Variants in ADD3 observed in about 807,000 individuals in gnomAD.
The protein encoded by ADD3 is adducin 3, also known as gamma-adducin.
In ADD3, 25 loss-of-function variants were observed where a neutral mutation model predicts 80.2. The observed-to-expected ratio is 0.31, with a 90% CI of 0.23 to 0.44. ADD3 has a LOEUF of 0.44. Among genes scored for constraint, ADD3 ranks in the 20% least tolerant of loss-of-function variants. ADD3 has a pLI of 1.00. For synonymous variants in ADD3, 284 were observed against 289.6 expected, an observed-to-expected ratio of 0.98 and a Z score of 0.20; for missense variants, 829 against 847.5, an observed-to-expected ratio of 0.98 and a Z score of 0.27.
chr10:110,091,935 A>G (rs775306428), intron 1 of ADD3, among the ~76,000 whole-genome samples: 4 of 152,218 alleles, frequency 2.6e-5, no homozygotes, highest in Non-Finnish European at 4.4e-5. Flanking sequence ...AAGGACATGA[A>G]CATCCACTTC....
At chr10:110,039,156 A>G (rs932768972) in intron 1 of ADD3, among the ~76,000 whole-genome samples, 3 of 152,142 alleles carry the variant, frequency 2.0e-5, no homozygotes, top group African/African-American at 4.8e-5. Context: ...TACCTTGCAC[A>G]TTGCTTCTGG....
rs972313098 is a variant in ADD3 at position 110,100,726 on chromosome 10, T to C, written c.73T>C (p.Phe25Leu). Residue 25 changes from phenylalanine (F) to leucine (L), a missense_variant, in exon 2 of 15, where the codon TTT becomes CTT. Coordinates refer to ENST00000356080, the MANE Select transcript of ADD3 (RefSeq NM_016824.5). ...CAGCATGCCTCACAAAGAGAGATAT[T>C]TTGACCGCATCAATGAAAATGACCC... is the stretch of plus-strand genomic sequence containing the variant. ...PPSMPHKERY[F>L]DRINENDPEY... is the part of the protein sequence containing the mutation. The C allele has an allele frequency of 6.2e-7, 1 of 1,613,906 alleles. No individual in the cohort carries two copies. The highest frequency in any genetic ancestry group is 8.5e-7 in the Non-Finnish European group (1 of 1,179,960).
intron 1 of ADD3, among the ~76,000 whole-genome samples, chr10:110,064,439 T>C (rs1037995375): frequency 6.6e-6 from 1 of 152,220 alleles, no homozygotes; most frequent in Non-Finnish European, 1.5e-5. Flanking sequence ...CACTGGTAGG[T>C]AGATAGTGGT....
rs1249699572 is a variant in ADD3 at position 110,135,506 on chromosome 10, T to C, written c.*1888T>C. On this transcript the variant is annotated 3_prime_UTR_variant, in exon 15 of 15. Coordinates refer to ENST00000356080, the MANE Select transcript of ADD3 (RefSeq NM_016824.5). The stretch of plus-strand genomic sequence containing the variant: ...AAAAATGTATAAATGTTATCTGATA[T>C]TGCTCTTAGATGTAATGCTAATTAA... 1 of 152,628 alleles carries C rather than the reference T, an allele frequency of 6.6e-6. No homozygotes were observed. Among genetic ancestry groups the C allele is most frequent in the African/African-American group, 2.4e-5 (1 of 41,450 alleles). The allele number at this position is 152,628 out of a possible 1,614,324, so 9.5% of individuals were successfully genotyped here. A position where few individuals can be genotyped will look rare whatever the true frequency, so the allele number is the denominator to read the frequency against.
In ADD3 at chr10:110,118,019, T is replaced by TACACACACACACAC. The variant is rs148105742; in HGVS notation, c.568-526_568-513dup. Among the ~76,000 whole-genome samples the TACACACACACACAC allele has an allele frequency of 6.6e-4, 83 of 125,690 alleles. 1 individual carries two copies. The highest frequency in any genetic ancestry group is 1.4e-3 in the East Asian group (6 of 4,208). 82.5% of individuals were successfully genotyped at this position (125,690 alleles called of 152,430 possible). A position where few individuals can be genotyped will look rare whatever the true frequency, so the allele number is the denominator to read the frequency against. On this transcript the variant is annotated intron_variant, in intron 5 of 14. Transcript: ENST00000356080. The stretch of plus-strand genomic sequence containing the variant: ...CTACAGGGCGAGACTCTGTCTTCAA[T>TACACACACACACAC]ACACACACACACACACACACACACA...
chr10:110,072,698 A>G (rs1351124904), intron 1 of ADD3, among the ~76,000 whole-genome samples: 1 of 152,222 alleles, frequency 6.6e-6, no homozygotes, highest in Non-Finnish European at 1.5e-5. Context: ...TATCTTCTGA[A>G]GCATGAACAC....
At chr10:110,016,109 A>G (rs1852958983) in intron 1 of ADD3, among the ~76,000 whole-genome samples, 1 of 152,210 alleles carries the variant, frequency 6.6e-6, no homozygotes, top group Non-Finnish European at 1.5e-5. Context: ...AGTGCTTTGA[A>G]GAGAGAACCC....
chr10:110,043,432 T>G (rs1856587818), intron 1 of ADD3, among the ~76,000 whole-genome samples: 1 of 152,242 alleles, frequency 6.6e-6, no homozygotes, highest in Non-Finnish European at 1.5e-5. Flanking sequence ...ACTCACCTAT[T>G]TGCTGTTATT....
rs369523973 is a variant in ADD3, at chr10:110,123,857, C to A, written c.1144-160C>A. ...CTTGAAATTTGCATAATTTCAGCTC[C>A]AGTGTTACATGAAAGTTATGTGGTG... On this transcript the variant is annotated intron_variant, in intron 9 of 14. Transcript: ENST00000356080. The A allele has an allele frequency of 8.7e-5, 59 of 681,134 alleles. No individual in the cohort carries two copies. In the African/African-American group the frequency reaches 8.8e-4, roughly 10 times the overall value. 42.2% of individuals were successfully genotyped at this position (681,134 alleles called of 1,614,324 possible).
At chr10:110,046,037 C>G (rs771239465) in intron 1 of ADD3, among the ~76,000 whole-genome samples, 1 of 152,072 alleles carries the variant, frequency 6.6e-6, no homozygotes, top group Non-Finnish European at 1.5e-5. Context: ...AAATGTAAAC[C>G]TTGAATAACA....
intron 1 of ADD3, among the ~76,000 whole-genome samples, chr10:110,086,076 G>GC (rs1378546499): frequency 1.3e-5 from 2 of 151,676 alleles, no homozygotes; most frequent in Non-Finnish European, 2.9e-5. Context: ...TCGCACTCCA[G>GC]CCTGGGTGAC....
intron 1 of ADD3, among the ~76,000 whole-genome samples, chr10:110,067,988 C>A (rs1844182578): frequency 6.6e-6 from 1 of 151,914 alleles, no homozygotes; most frequent in Non-Finnish European, 1.5e-5. Flanking sequence ...AAAAACACCC[C>A]CTTTCCTTCC....
chr10:110,007,482 T>C (rs1482813222), upstream of ADD3, among the ~76,000 whole-genome samples: 1 of 151,532 alleles, frequency 6.6e-6, no homozygotes, highest in South Asian at 2.1e-4. Flanking sequence ...GGAGTAGGAG[T>C]AGGGGGCTCG....
chr10:110,132,178 C>T (rs1298637183), intron 13 of ADD3, 127 bp from the exon 14 acceptor site: 2 of 623,730 alleles, frequency 3.2e-6, no homozygotes, highest in East Asian at 2.7e-5. Context: ...TTAGCATGCT[C>T]AGCTCACTGC....
chr10:110,028,745 G>T (rs557421830), intron 1 of ADD3, among the ~76,000 whole-genome samples: 1 of 152,226 alleles, frequency 6.6e-6, no homozygotes, highest in South Asian at 2.1e-4. Context: ...AGAAAGAAAT[G>T]AGTTTTGCTA....
intron 12 of ADD3, 55 bp from the exon 13 acceptor site, chr10:110,130,308 A>G (rs1032408535): frequency 6.5e-7 from 1 of 1,545,980 alleles, no homozygotes; most frequent in Non-Finnish European, 8.9e-7. Flanking sequence ...ATGGATGGAT[A>G]GATATATAAG....
At chr10:110,130,305 G>T in intron 12 of ADD3, 58 bp from the exon 13 acceptor site, 1 of 1,546,354 alleles carries the variant, frequency 6.5e-7, no homozygotes, top group Non-Finnish European at 8.9e-7. Context: ...TGGATGGATG[G>T]ATAGATATAT....
intron 11 of ADD3, 101 bp from the exon 12 acceptor site, chr10:110,126,316 C>A (rs1852150085): frequency 3.5e-6 from 3 of 865,716 alleles, no homozygotes; most frequent in Non-Finnish European, 5.6e-6. Flanking sequence ...GAGACTCTCA[C>A]TCTGGAAATG....
At chr10:110,020,354 A>G (rs1263192038) in intron 1 of ADD3, among the ~76,000 whole-genome samples, 2 of 152,340 alleles carry the variant, frequency 1.3e-5, no homozygotes, top group Middle Eastern at 3.4e-3. Flanking sequence ...ATGGAGCAAT[A>G]TAGAGCAGGG....
Sources: allele counts gnomAD v4.1 joint callset (sites outside exome capture counted in the v4.1 genomes callset), GRCh38; gene constraint gnomAD v4.1.1; transcripts MANE v1.5; gene names NCBI Gene and HGNC (gene_info 2026-07-23, HGNC 2026-07-21).